The following EHBP1 variants were observed in gnomAD, a reference collection of about 807,000 sequenced individuals.
EHBP1 encodes the protein EH domain binding protein 1, also known as EH domain-binding protein 1.
A neutral mutation model predicts 144.0 loss-of-function variants in EHBP1; 55 were observed. The ratio of observed to expected loss-of-function variants is 0.38; its 90% CI spans 0.31 to 0.48. The LOEUF (loss-of-function observed/expected upper bound fraction) is 0.48. Among genes scored for constraint, EHBP1 ranks in the 20% least tolerant of loss-of-function variants. The pLI, the probability that EHBP1 is intolerant of heterozygous loss-of-function variation, is 0.98. For missense variants in EHBP1, 1,200 were observed against 1,364.2 expected, an observed-to-expected ratio of 0.88 and a Z score of 1.90; for synonymous variants, 469 against 472.7, an observed-to-expected ratio of 0.99 and a Z score of 0.10.
At chr2:62,796,115 G>A (rs897080289) in intron 5 of EHBP1, among the ~76,000 whole-genome samples, 1 of 151,614 alleles carries the variant, frequency 6.6e-6, no homozygotes, top group Non-Finnish European at 1.5e-5. Context: ...ATTTAAAATG[G>A]TAATCAGGAT....
chr2:62,921,159 T>C (rs1213022967), intron 10 of EHBP1, among the ~76,000 whole-genome samples: 2 of 152,084 alleles, frequency 1.3e-5, no homozygotes, highest in Admixed American at 1.3e-4. Context: ...TTAAATGTAA[T>C]CCAAAGCTGG....
At chr2:62,954,029 A>G (rs1025887381) in intron 13 of EHBP1, among the ~76,000 whole-genome samples, 3 of 152,224 alleles carry the variant, frequency 2.0e-5, no homozygotes, top group Non-Finnish European at 2.9e-5. Flanking sequence ...AGTGCTCAGT[A>G]CATTATGCTA....
chr2:62,882,255 C>A (rs953633238), intron 10 of EHBP1, among the ~76,000 whole-genome samples: 1 of 152,140 alleles, frequency 6.6e-6, no homozygotes, highest in African/African-American at 2.4e-5. Context: ...TTTTATATCA[C>A]GTGTTTTTTT....
At chr2:62,747,615 T>G (rs1259418293) in intron 3 of EHBP1, among the ~76,000 whole-genome samples, 163 bp downstream of exon 3, 1 of 152,034 alleles carries the variant, frequency 6.6e-6, no homozygotes, top group Non-Finnish European at 1.5e-5. Context: ...TTTTAACTGC[T>G]TGTTCTCAAA....
intron 13 of EHBP1, among the ~76,000 whole-genome samples, chr2:62,951,861 T>C (rs961899462): frequency 6.6e-6 from 1 of 152,132 alleles, no homozygotes; most frequent in Non-Finnish European, 1.5e-5. Context: ...AAGGCAAATA[T>C]GTTTAGTTAA....
chr2:62,752,772 G>A (rs2039878331), intron 3 of EHBP1, among the ~76,000 whole-genome samples: 1 of 144,086 alleles, frequency 6.9e-6, no homozygotes, highest in African/African-American at 2.4e-5. Context: ...TTTAAAGTGT[G>A]TTTTATCACA....
chr2:62,881,980 G>C (rs1233798124), intron 10 of EHBP1, among the ~76,000 whole-genome samples: 1 of 152,156 alleles, frequency 6.6e-6, no homozygotes, highest in Non-Finnish European at 1.5e-5. Context: ...GAAAGGATTG[G>C]AACCTAGCAT....
chr2:62,979,136 G>A, intron 14 of EHBP1, 52 bp from the exon 15 acceptor site: 8 of 1,557,548 alleles, frequency 5.1e-6, no homozygotes, highest in Non-Finnish European at 7.0e-6. Context: ...GATTGAAAAT[G>A]AAATTGCATT....
chr2:62,673,995 C>T (rs2033195438), exon 1 of EHBP1: 1 of 470,570 alleles, frequency 2.1e-6, no homozygotes, highest in South Asian at 1.6e-5. Flanking sequence ...GCCCCTGTAG[C>T]AGCAATGTGA....
chr2:62,852,324 G>A (rs2048737854), intron 7 of EHBP1, among the ~76,000 whole-genome samples: 1 of 152,012 alleles, frequency 6.6e-6, no homozygotes, highest in African/African-American at 2.4e-5. Context: ...ATAAAATGTG[G>A]ATAATAATAC....
chr2:63,031,372 CAAG>C (rs1229934583), intron 19 of EHBP1, among the ~76,000 whole-genome samples: 1 of 152,122 alleles, frequency 6.6e-6, no homozygotes, highest in Non-Finnish European at 1.5e-5. Context: ...ATTGATTCTC[CAAG>C]AAGACTACTG....
chr2:62,738,047 G>A (rs886080767), intron 2 of EHBP1, among the ~76,000 whole-genome samples: 3 of 152,134 alleles, frequency 2.0e-5, no homozygotes, highest in African/African-American at 7.2e-5. Flanking sequence ...TTATAGGCAC[G>A]AGCCACTGTG....
chr2:63,020,051 C>T (rs1474988776), intron 19 of EHBP1, among the ~76,000 whole-genome samples: 2 of 150,748 alleles, frequency 1.3e-5, no homozygotes, highest in Non-Finnish European at 3.0e-5. Context: ...TAAGGCCGGG[C>T]GAGGTGGCTC....
chr2:62,769,813 AAAAG>A (rs1316083830), intron 4 of EHBP1, among the ~76,000 whole-genome samples: 90 of 149,886 alleles, frequency 6.0e-4, no homozygotes, highest in South Asian at 3.6e-3. Flanking sequence ...AAAAAAAAAA[AAAAG>A]CAGGCATGTA....
chr2:63,029,157 T>C (rs1362009298), intron 19 of EHBP1, among the ~76,000 whole-genome samples: 1 of 152,028 alleles, frequency 6.6e-6, no homozygotes, highest in Non-Finnish European at 1.5e-5. Context: ...AGACTATCAT[T>C]ATTTGGAGCA....
chr2:62,893,233 C>G (rs1441336180), intron 10 of EHBP1, among the ~76,000 whole-genome samples: 1 of 152,096 alleles, frequency 6.6e-6, no homozygotes, highest in Non-Finnish European at 1.5e-5. Context: ...TAGTTCAAAA[C>G]AACATTTTCT....
Position 63,045,257 on chromosome 2 carries a change from G to A in EHBP1, c.3392+77G>A. The A allele has an allele frequency of 4.2e-6, 6 of 1,439,446 alleles. No individual in the cohort carries two copies. Among genetic ancestry groups the A allele is most frequent in the Non-Finnish European group, 5.7e-6 (6 of 1,047,554 alleles). The allele number at this position is 1,439,446 out of a possible 1,614,324, so 89.2% of individuals were successfully genotyped here. The stretch of plus-strand genomic sequence containing the variant: ...AGAAGTGTGCGGAAAGTTCAATCCA[G>A]AGGTCGCGGGAGGGCCGGGGCAGCC... On this transcript the variant is annotated intron_variant, in intron 22 of 22. Coordinates refer to ENST00000431489, the MANE Select transcript of EHBP1 (RefSeq NM_001142616.3). This position sits in a 1 kb window ranked among gnomAD's most constrained non-coding sequence, Gnocchi z 5.7.
chr2:62,783,877 A>C (rs1356575648), intron 5 of EHBP1, among the ~76,000 whole-genome samples: 1 of 152,248 alleles, frequency 6.6e-6, no homozygotes, highest in East Asian at 1.9e-4. Flanking sequence ...ATTTCTGCCC[A>C]GAAAATGGGG....
chr2:62,714,367 A>C (rs1211155238), intron 2 of EHBP1, among the ~76,000 whole-genome samples: 1 of 152,214 alleles, frequency 6.6e-6, no homozygotes, highest in Non-Finnish European at 1.5e-5. Flanking sequence ...GTTTAGTCTT[A>C]TTCCACTCAA....
Sources: allele counts gnomAD v4.1 joint callset (sites outside exome capture counted in the v4.1 genomes callset), GRCh38; gene constraint gnomAD v4.1.1; non-coding constraint Gnocchi (gnomAD v3.1); transcripts MANE v1.5; gene names NCBI Gene and HGNC (gene_info 2026-07-23, HGNC 2026-07-21).